TBC1D9: variants seen among roughly 807,000 people sequenced by gnomAD.
TBC1D9 encodes TBC1 domain family member 9A.
A neutral mutation model predicts 132.0 loss-of-function variants in TBC1D9; 63 were observed. The observed-to-expected ratio is 0.48, with a 90% CI of 0.39 to 0.59. TBC1D9 has a LOEUF of 0.59. TBC1D9 is among the 20% of genes least tolerant of loss of function. The pLI, the probability that TBC1D9 is intolerant of heterozygous loss-of-function variation, is 0.00. For missense variants in TBC1D9, 1,261 were observed against 1,592.7 expected, an observed-to-expected ratio of 0.79 and a Z score of 3.54; for synonymous variants, 610 against 609.9, an observed-to-expected ratio of 1.00 and a Z score of 0.00.
chr4:140,724,530 C>T (rs560146970), intron 1 of TBC1D9, among the ~76,000 whole-genome samples: 100 of 151,990 alleles, frequency 6.6e-4, no homozygotes, highest in African/African-American at 2.4e-3. Flanking sequence ...GTGGTGAAGG[C>T]TTTCTAACTG....
intron 10 of TBC1D9, 52 bp downstream of exon 10, chr4:140,661,841 T>C: frequency 6.8e-7 from 1 of 1,460,532 alleles, no homozygotes; most frequent in Non-Finnish European, 9.4e-7. Flanking sequence ...TGCTGCCAAA[T>C]GAATAGAAAT....
At chr4:140,640,072 G>A (rs183721948) in intron 13 of TBC1D9, among the ~76,000 whole-genome samples, 2 of 152,216 alleles carry the variant, frequency 1.3e-5, no homozygotes, top group East Asian at 3.9e-4. Context: ...TTAACCCATG[G>A]AAGCAGTGAC....
At chr4:140,642,079 G>T in intron 13 of TBC1D9, 1 of 704,194 alleles carries the variant, frequency 1.4e-6, no homozygotes, top group African/African-American at 1.7e-5. Flanking sequence ...CCGGGAGGGG[G>T]CGGAGGAGGG....
At chr4:140,661,189 C>A (rs948582962) in intron 10 of TBC1D9, among the ~76,000 whole-genome samples, 1 of 152,166 alleles carries the variant, frequency 6.6e-6, no homozygotes, top group Non-Finnish European at 1.5e-5. Flanking sequence ...GTTGGGATTA[C>A]GGGCGTGAGC....
chr4:140,729,617 A>T (rs1738555739), intron 1 of TBC1D9, among the ~76,000 whole-genome samples: 1 of 152,130 alleles, frequency 6.6e-6, no homozygotes, highest in East Asian at 1.9e-4. Context: ...CAAGAGATTG[A>T]GACCATCCTG....
At chr4:140,675,365 T>C (rs1183602565) in intron 6 of TBC1D9, among the ~76,000 whole-genome samples, 1 of 152,116 alleles carries the variant, frequency 6.6e-6, no homozygotes, top group African/African-American at 2.4e-5. Flanking sequence ...AAAGGGATGT[T>C]AGCAAGGGGA....
intron 9 of TBC1D9, among the ~76,000 whole-genome samples, chr4:140,662,604 C>T (rs973844174): frequency 6.6e-6 from 1 of 152,142 alleles, no homozygotes; most frequent in African/African-American, 2.4e-5. Context: ...GGTTTAATAG[C>T]CATATTGAGG....
chr4:140,719,115 A>AAAATAAAT (rs200581012), intron 1 of TBC1D9, among the ~76,000 whole-genome samples: 1,566 of 141,406 alleles, frequency 0.011, 14 homozygotes, highest in African/African-American at 0.02. Context: ...ACTCCATCTC[A>AAAATAAAT]AAATAAATAA....
At chr4:140,669,595 A>G (rs750986149) in intron 8 of TBC1D9, 39 bp downstream of exon 8, 1 of 1,581,908 alleles carries the variant, frequency 6.3e-7, no homozygotes, top group Non-Finnish European at 8.7e-7. Flanking sequence ...GGCATTGTTC[A>G]AATCTACAAA....
At chr4:140,631,533 A>T (rs1459670243) in intron 16 of TBC1D9, among the ~76,000 whole-genome samples, 2 of 151,820 alleles carry the variant, frequency 1.3e-5, no homozygotes, top group Non-Finnish European at 2.9e-5. Flanking sequence ...TAATTTCTAG[A>T]GGGATCTCTC....
intron 13 of TBC1D9, chr4:140,642,790 T>C: frequency 3.2e-6 from 2 of 632,334 alleles, no homozygotes; most frequent in Non-Finnish European, 5.6e-6. Flanking sequence ...TGCTCAGCTT[T>C]CCGCTACTGT....
At chr4:140,646,967 G>T (rs1737113722) in intron 13 of TBC1D9, among the ~76,000 whole-genome samples, 1 of 152,182 alleles carries the variant, frequency 6.6e-6, no homozygotes, top group Admixed American at 6.5e-5. Flanking sequence ...TCACTATGGG[G>T]TTTTATCTTT....
rs11317574 is a variant in TBC1D9, at chr4:140,704,435, G to GAA, written c.131-2823_131-2822dup. Among the ~76,000 whole-genome samples the GAA allele has an allele frequency of 7.1e-3, 800 of 113,380 alleles. 4 individuals carry two copies. The highest frequency in any genetic ancestry group is 0.021 in the African/African-American group (648 of 31,594). The allele number at this position is 113,380 out of a possible 152,430, so 74.4% of individuals were successfully genotyped here. A position where few individuals can be genotyped will look rare whatever the true frequency, so the allele number is the denominator to read the frequency against. Reference sequence around the variant, plus strand: ...AACAAACAAACAAAACAAAAAATCAGAAAAAAAAAAAAAAAAGAAAAGGAC... The same window carrying GAA: ...AACAAACAAACAAAACAAAAAATCAGAAAAAAAAAAAAAAAAAAGAAAAGGAC... On this transcript the variant is annotated intron_variant, in intron 1 of 20. Transcript: ENST00000442267.
intron 10 of TBC1D9, 81 bp downstream of exon 10, chr4:140,661,812 A>C (rs1252496570): frequency 1.3e-5 from 16 of 1,223,706 alleles, no homozygotes; most frequent in Non-Finnish European, 1.9e-5. Context: ...GTTAACCATA[A>C]ACCTTCCTTC....
intron 1 of TBC1D9, among the ~76,000 whole-genome samples, chr4:140,729,367 T>C (rs1193071936): frequency 6.6e-6 from 1 of 152,200 alleles, no homozygotes. Flanking sequence ...TCTGATGATA[T>C]GAAAATGAGA....
chr4:140,653,895 C>T (rs192836931), intron 13 of TBC1D9, among the ~76,000 whole-genome samples: 1 of 152,340 alleles, frequency 6.6e-6, no homozygotes, highest in Admixed American at 6.5e-5. Flanking sequence ...TAGGGATCAG[C>T]CCAAGAAGAC....
intron 11 of TBC1D9, among the ~76,000 whole-genome samples, chr4:140,658,735 TG>T (rs993146817): frequency 6.6e-6 from 1 of 151,302 alleles, no homozygotes; most frequent in African/African-American, 2.4e-5. Flanking sequence ...CACTTGAACC[TG>T]GGAGGCGGAG....
At chr4:140,642,065 G>A (rs1283127475) in intron 13 of TBC1D9, 12 of 690,596 alleles carry the variant, frequency 1.7e-5, no homozygotes, top group Admixed American at 4.3e-5. Context: ...TTAGGTTTCA[G>A]AGTCCGGGAG....
chr4:140,729,663 C>A (rs1342309349), intron 1 of TBC1D9, among the ~76,000 whole-genome samples: 9 of 151,620 alleles, frequency 5.9e-5, no homozygotes, highest in African/African-American at 1.7e-4. Context: ...ACTAAAAATA[C>A]AAAAAAATTG....
Sources: allele counts gnomAD v4.1 joint callset (sites outside exome capture counted in the v4.1 genomes callset), GRCh38; gene constraint gnomAD v4.1.1; transcripts MANE v1.5; gene names NCBI Gene and HGNC (gene_info 2026-07-23, HGNC 2026-07-21).